The following SOX5 variants were observed in gnomAD, a reference collection of about 807,000 sequenced individuals.
SOX5 encodes SRY-box transcription factor 5.
SOX5 carries 9 observed loss-of-function variants against 92.0 expected under a neutral mutation model. The observed-to-expected ratio is 0.10, with a 90% CI of 0.06 to 0.17. The LOEUF is 0.17. Among genes scored for constraint, SOX5 ranks in the 10% least tolerant of loss-of-function variants. SOX5 has a pLI of 1.00. For missense variants in SOX5, 642 were observed against 944.5 expected, an observed-to-expected ratio of 0.68 and a Z score of 4.20; for synonymous variants, 344 against 336.3, an observed-to-expected ratio of 1.02 and a Z score of -0.25.
intron 3 of SOX5, among the ~76,000 whole-genome samples, chr12:23,777,406 A>AT (rs1366227350): frequency 1.1e-4 from 16 of 152,308 alleles, no homozygotes; most frequent in Admixed American, 4.6e-4. Flanking sequence ...ATCAAAAGTT[A>AT]CAGGGAACTA....
intron 3 of SOX5, among the ~76,000 whole-genome samples, chr12:23,777,804 A>C (rs149466831): frequency 6.5e-4 from 99 of 152,298 alleles, no homozygotes; most frequent in African/African-American, 2.2e-3. Context: ...CAGGGGAAAT[A>C]ATTTTATCTT....
At chr12:23,971,113 T>C (rs1246579377) in intron 4 of SOX5, among the ~76,000 whole-genome samples, 2 of 87,752 alleles carry the variant, frequency 2.3e-5, no homozygotes, top group Non-Finnish European at 4.4e-5. Context: ...AGTAGGTGTG[T>C]CAGCTGACTT....
chr12:24,155,954 T>C (rs531070047), intron 4 of SOX5, among the ~76,000 whole-genome samples: 2 of 152,202 alleles, frequency 1.3e-5, no homozygotes, highest in Non-Finnish European at 1.5e-5. Flanking sequence ...TACTTCTATT[T>C]TGAATGCTGT....
chr12:24,375,253 G>A (rs1396374151), intron 1 of SOX5, among the ~76,000 whole-genome samples: 4 of 151,936 alleles, frequency 2.6e-5, no homozygotes, highest in East Asian at 2.0e-4. Flanking sequence ...GATTACAGGC[G>A]TGAGCCACCG....
intron 6 of SOX5, among the ~76,000 whole-genome samples, chr12:23,681,597 T>C (rs1468600116): frequency 6.6e-6 from 1 of 151,756 alleles, no homozygotes; most frequent in Middle Eastern, 3.6e-3. Flanking sequence ...CTAAAGTATG[T>C]ATATTAGAAT....
chr12:24,461,467 A>C (rs1555305802), intron 1 of SOX5, among the ~76,000 whole-genome samples: 2 of 152,220 alleles, frequency 1.3e-5, no homozygotes. Flanking sequence ...TGTATATTAT[A>C]TTCTATCTCT....
intron 1 of SOX5, among the ~76,000 whole-genome samples, chr12:24,470,775 T>A (rs1030564269): frequency 3.3e-5 from 5 of 152,310 alleles, no homozygotes; most frequent in African/African-American, 9.6e-5. Flanking sequence ...TTTAGCAAGA[T>A]AGCTAACCTT....
rs561382253 is a variant in SOX5, at chr12:24,367,569, A to T, written c.-174+994T>A. On this transcript the variant is annotated intron_variant, in intron 2 of 4. Transcript: ENST00000446891. Reference sequence around the variant, plus strand: ...AATTTCTTAGGAAACCAAGAGGTTCATTCAAAAAATTGCCACAACATTTAT... The same window carrying T: ...AATTTCTTAGGAAACCAAGAGGTTCTTTCAAAAAATTGCCACAACATTTAT... Among the ~76,000 whole-genome samples, 3 of 152,328 alleles carry T rather than the reference A, an allele frequency of 2.0e-5. No homozygotes were observed. In the East Asian group the frequency reaches 5.8e-4, roughly 29 times the overall value.
intron 7 of SOX5, among the ~76,000 whole-genome samples, chr12:23,664,324 T>TATAC (rs918729761): frequency 6.7e-6 from 1 of 149,380 alleles, no homozygotes; most frequent in African/African-American, 2.5e-5. Context: ...TTCATTAACA[T>TATAC]ATATATATAT....
chr12:24,529,592 T>C (rs955724874), intron 1 of SOX5, among the ~76,000 whole-genome samples: 2 of 152,174 alleles, frequency 1.3e-5, no homozygotes, highest in Admixed American at 6.5e-5. Context: ...ATGGGAGATA[T>C]CGTCAACACT....
intron 1 of SOX5, among the ~76,000 whole-genome samples, chr12:24,523,291 T>G (rs538653428): frequency 6.6e-6 from 1 of 152,312 alleles, no homozygotes; most frequent in South Asian, 2.1e-4. Context: ...GAAGAACTAA[T>G]ATTGTTAAAG....
chr12:24,299,804 T>C (rs763417333), intron 2 of SOX5, among the ~76,000 whole-genome samples: 39 of 152,326 alleles, frequency 2.6e-4, no homozygotes, highest in Non-Finnish European at 4.3e-4. Context: ...AAAGGCTTAT[T>C]TCTAGTGGCA....
intron 1 of SOX5, among the ~76,000 whole-genome samples, chr12:24,434,281 T>C (rs966862374): frequency 6.6e-6 from 1 of 152,194 alleles, no homozygotes; most frequent in South Asian, 2.1e-4. Context: ...TTCAAGGTAC[T>C]AGGATATATA....
intron 4 of SOX5, chr12:24,212,326 C>T (rs1468083093): frequency 3.9e-6 from 2 of 506,376 alleles, no homozygotes; most frequent in Non-Finnish European, 7.9e-6. Context: ...AGCTTAGTTC[C>T]TTTAGGAGTA....
At chr12:23,646,687 C>T (rs2080893365) in intron 7 of SOX5, among the ~76,000 whole-genome samples, 1 of 152,212 alleles carries the variant, frequency 6.6e-6, no homozygotes, top group Admixed American at 6.5e-5. Context: ...CTCACATAAT[C>T]TTCATCAGAA....
At chr12:23,628,531 T>C (rs1210691472) in intron 8 of SOX5, among the ~76,000 whole-genome samples, 1 of 152,094 alleles carries the variant, frequency 6.6e-6, no homozygotes, top group African/African-American at 2.4e-5. Context: ...AGGCATTAAT[T>C]ACGCTGCCCC....
chr12:24,182,527 T>C (rs1357870125), intron 4 of SOX5, among the ~76,000 whole-genome samples: 2 of 152,130 alleles, frequency 1.3e-5, no homozygotes, highest in East Asian at 3.9e-4. Context: ...GATTTTGTTG[T>C]TGTTGATGGA....
At chr12:23,551,783 G>A (rs1944267159) in intron 11 of SOX5, among the ~76,000 whole-genome samples, 1 of 145,580 alleles carries the variant, frequency 6.9e-6, no homozygotes, top group African/African-American at 2.5e-5. Flanking sequence ...ATCTAATACT[G>A]ATTTTTTTTT....
chr12:24,372,939 C>T (rs1956882444), intron 1 of SOX5, among the ~76,000 whole-genome samples: 1 of 142,474 alleles, frequency 7.0e-6, no homozygotes, highest in Non-Finnish European at 1.5e-5. Context: ...AATGGCAAAA[C>T]CCCATCTCTA....
Sources: gnomAD v4.1 joint callset for allele counts (sites outside exome capture counted in the v4.1 genomes callset) on GRCh38, gnomAD v4.1.1 for gene constraint, MANE v1.5 for transcripts, NCBI Gene and HGNC (gene_info 2026-07-23, HGNC 2026-07-21) for gene names.